AKAP6: variants seen among roughly 807,000 people sequenced by gnomAD.
AKAP6 encodes A-kinase anchor protein 6.
A neutral mutation model predicts 188.5 loss-of-function variants in AKAP6; 58 were observed. That is an observed-to-expected ratio of 0.31 (90% confidence interval 0.25 to 0.38). The LOEUF is 0.38. Among genes scored for constraint, AKAP6 ranks in the 10% least tolerant of loss-of-function variants. The pLI is 1.00. For missense variants in AKAP6, 2,710 were observed against 2,740.0 expected, an observed-to-expected ratio of 0.99 and a Z score of 0.24; for synonymous variants, 989 against 998.6, an observed-to-expected ratio of 0.99 and a Z score of 0.18.
rs71432079 is a variant in AKAP6 at position 32,724,990 on chromosome 14, T to TAAAAAAAAAAAAAAAAAAAAA, written c.3001-7457_3001-7437dup. Among the ~76,000 whole-genome samples the TAAAAAAAAAAAAAAAAAAAAA allele has an allele frequency of 1.4e-4, 5 of 34,914 alleles. 2 individuals are homozygous for TAAAAAAAAAAAAAAAAAAAAA. The highest frequency in any genetic ancestry group is 2.4e-4 in the Non-Finnish European group (5 of 21,060). The allele number at this position is 34,914 out of a possible 152,430, so 22.9% of individuals were successfully genotyped here. On this transcript the variant is annotated intron_variant, in intron 9 of 13. Coordinates refer to ENST00000280979, the MANE Select transcript of AKAP6 (RefSeq NM_004274.5). ...GGCTTTGTGTCATTTATATTCAACC[T>TAAAAAAAAAAAAAAAAAAAAA]AAAAAAAAAAAAAAAAAAAAAAAAA... is the stretch of plus-strand genomic sequence containing the variant.
chr14:32,803,339 A>G (rs2034005059), intron 12 of AKAP6, among the ~76,000 whole-genome samples: 1 of 152,098 alleles, frequency 6.6e-6, no homozygotes. Flanking sequence ...AGATATGCAT[A>G]TAATGCTGAT....
At chr14:32,676,747 C>T (rs890974147) in intron 7 of AKAP6, among the ~76,000 whole-genome samples, 3 of 152,178 alleles carry the variant, frequency 2.0e-5, no homozygotes, top group African/African-American at 7.2e-5. Context: ...TCTTTCTCAG[C>T]AAACCAGAGC....
At chr14:32,437,322 A>C (rs907381596) in intron 2 of AKAP6, among the ~76,000 whole-genome samples, 1 of 152,068 alleles carries the variant, frequency 6.6e-6, no homozygotes, top group Non-Finnish European at 1.5e-5. Flanking sequence ...GCAAGCACAA[A>C]AAAAGAAGCT....
chr14:32,435,778 A>G (rs1371150661), intron 2 of AKAP6, among the ~76,000 whole-genome samples: 2 of 152,224 alleles, frequency 1.3e-5, no homozygotes, highest in Non-Finnish European at 2.9e-5. Context: ...TACTTAACCA[A>G]TAGAGCCTTT....
intron 2 of AKAP6, among the ~76,000 whole-genome samples, chr14:32,463,800 C>G (rs1460409643): frequency 6.6e-6 from 1 of 152,026 alleles, no homozygotes; most frequent in East Asian, 1.9e-4. Context: ...TCGATGAACC[C>G]AGGAGCTGGT....
At chr14:32,744,609 A>G (rs569913267) in intron 11 of AKAP6, among the ~76,000 whole-genome samples, 40 of 152,126 alleles carry the variant, frequency 2.6e-4, no homozygotes, top group African/African-American at 9.4e-4. Flanking sequence ...GAGCCACTGC[A>G]CCCGGTCCTT....
intron 2 of AKAP6, among the ~76,000 whole-genome samples, chr14:32,505,219 G>A (rs1218632567): frequency 1.3e-5 from 2 of 151,928 alleles, no homozygotes; most frequent in Non-Finnish European, 2.9e-5. Context: ...ACCTATAATT[G>A]TTAGTGTTAA....
chr14:32,429,324 G>A (rs909737668), intron 1 of AKAP6, among the ~76,000 whole-genome samples: 2 of 152,168 alleles, frequency 1.3e-5, no homozygotes, highest in Admixed American at 6.5e-5. Context: ...CTTTCTGTTT[G>A]CATTCAAATG....
At chr14:32,407,272 G>T (rs1452342753) in intron 1 of AKAP6, among the ~76,000 whole-genome samples, 1 of 152,152 alleles carries the variant, frequency 6.6e-6, no homozygotes, top group Non-Finnish European at 1.5e-5. Context: ...TTGTTAATAG[G>T]CTTCATGTCA....
intron 12 of AKAP6, among the ~76,000 whole-genome samples, chr14:32,819,311 A>C (rs1266086246): frequency 6.6e-6 from 1 of 152,150 alleles, no homozygotes; most frequent in Admixed American, 6.5e-5. Context: ...TTTTATACTT[A>C]ATGTGTTTGT....
intron 1 of AKAP6, among the ~76,000 whole-genome samples, chr14:32,411,275 G>A (rs1400004674): frequency 6.6e-6 from 1 of 152,124 alleles, no homozygotes; most frequent in African/African-American, 2.4e-5. Flanking sequence ...TATATAGGTT[G>A]ATATGGGCTG....
chr14:32,414,914 A>G (rs1265135723), intron 1 of AKAP6, among the ~76,000 whole-genome samples: 2 of 152,168 alleles, frequency 1.3e-5, no homozygotes, highest in African/African-American at 2.4e-5. Context: ...CAATAACTAA[A>G]TTTGGATGCC....
chr14:32,593,297 T>C (rs1206153193), intron 5 of AKAP6, among the ~76,000 whole-genome samples: 2 of 152,096 alleles, frequency 1.3e-5, no homozygotes, highest in African/African-American at 4.8e-5. Context: ...TCAGGGTTTG[T>C]TGATTGATTG....
At chr14:32,771,277 C>T (rs1223494367) in intron 11 of AKAP6, among the ~76,000 whole-genome samples, 1 of 149,364 alleles carries the variant, frequency 6.7e-6, no homozygotes, top group African/African-American at 2.5e-5. Flanking sequence ...CATTATTTCC[C>T]AAGTGCACAT....
chr14:32,625,913 A>G (rs1168270806), intron 7 of AKAP6, among the ~76,000 whole-genome samples: 1 of 152,146 alleles, frequency 6.6e-6, no homozygotes, highest in Non-Finnish European at 1.5e-5. Flanking sequence ...GCCTGGCTTT[A>G]GTTTAACATA....
At chr14:32,517,105 G>A (rs1432194167) in intron 2 of AKAP6, among the ~76,000 whole-genome samples, 2 of 152,150 alleles carry the variant, frequency 1.3e-5, no homozygotes, top group South Asian at 4.1e-4. Context: ...CAAGTAAGAC[G>A]ACCAGTTGGT....
At chr14:32,475,072 T>G (rs1279287540) in intron 2 of AKAP6, among the ~76,000 whole-genome samples, 1 of 152,190 alleles carries the variant, frequency 6.6e-6, no homozygotes, top group East Asian at 1.9e-4. Flanking sequence ...GGAATGTACA[T>G]CTCAGTGTAG....
intron 2 of AKAP6, among the ~76,000 whole-genome samples, chr14:32,523,333 A>T (rs927584137): frequency 1.8e-4 from 28 of 152,106 alleles, no homozygotes; most frequent in African/African-American, 5.8e-4. Flanking sequence ...AGAATTTTTT[A>T]AAAAAAGAAT....
chr14:32,389,416 T>TA (rs1888636019), intron 1 of AKAP6, among the ~76,000 whole-genome samples: 1 of 151,890 alleles, frequency 6.6e-6, no homozygotes, highest in Non-Finnish European at 1.5e-5. Flanking sequence ...GTTTTTTTTT[T>TA]AGTTGTATTT....
Sources: gnomAD v4.1 joint callset for allele counts (sites outside exome capture counted in the v4.1 genomes callset) on GRCh38, gnomAD v4.1.1 for gene constraint, MANE v1.5 for transcripts, NCBI Gene and HGNC (gene_info 2026-07-23, HGNC 2026-07-21) for gene names.